XKR6: variants seen among roughly 807,000 people sequenced by gnomAD.
XKR6 encodes the protein XK-related protein 6.
In XKR6, 22 loss-of-function variants were observed where a neutral mutation model predicts 56.7. That is an observed-to-expected ratio of 0.39 (90% CI 0.28 to 0.55). XKR6 has a LOEUF of 0.55. XKR6 is among the 20% of genes least tolerant of loss of function. The pLI, the probability that XKR6 is intolerant of heterozygous loss-of-function variation, is 0.66. For synonymous variants in XKR6, 524 were observed against 387.8 expected, an observed-to-expected ratio of 1.35 and a Z score of -4.13; for missense variants, 852 against 889.0, an observed-to-expected ratio of 0.96 and a Z score of 0.53.
chr8:11,139,624 G>A (rs888587136), intron 1 of XKR6, among the ~76,000 whole-genome samples: 6 of 152,170 alleles, frequency 3.9e-5, no homozygotes, highest in Non-Finnish European at 7.4e-5. Flanking sequence ...TGAGGAGAAA[G>A]TGCTGGGACT....
intron 2 of XKR6, among the ~76,000 whole-genome samples, chr8:10,900,961 C>A (rs1297920395): frequency 6.8e-6 from 1 of 147,986 alleles, no homozygotes; most frequent in African/African-American, 2.5e-5. Flanking sequence ...CTCAAGTGAT[C>A]CTCCCGTCTC....
At chr8:11,052,097 A>T (rs1799564350) in intron 1 of XKR6, among the ~76,000 whole-genome samples, 2 of 151,386 alleles carry the variant, frequency 1.3e-5, no homozygotes, top group Non-Finnish European at 2.9e-5. Flanking sequence ...CCTTCCCCAG[A>T]CCCCTCACCC....
At chr8:11,098,593 G>C (rs1798349112) in intron 1 of XKR6, among the ~76,000 whole-genome samples, 1 of 152,072 alleles carries the variant, frequency 6.6e-6, no homozygotes, top group South Asian at 2.1e-4. Flanking sequence ...ATGACTATGT[G>C]GTCATGCATG....
rs949692983 is a variant in XKR6 at position 10,997,210 on chromosome 8, C to T, written c.765-72380G>A. 2.0e-5 allele frequency among the ~76,000 whole-genome samples: 3 copies of T among 152,148 alleles called. 1 individual carries two copies. The highest frequency in any genetic ancestry group is 6.5e-5 in the Admixed American group (1 of 15,274). ...CACCTAGCAAAGACACACAGAGCAC[C>T]AAGTTCATGCCAGCCACCATGCTCA... On this transcript the variant is annotated intron_variant, in intron 1 of 2. Coordinates refer to ENST00000416569, the MANE Select transcript of XKR6 (RefSeq NM_173683.4).
intron 2 of XKR6, among the ~76,000 whole-genome samples, chr8:10,902,795 T>C (rs1414192840): frequency 6.6e-6 from 1 of 152,212 alleles, no homozygotes; most frequent in Non-Finnish European, 1.5e-5. Flanking sequence ...GCCCCTGATG[T>C]GCCTGCCCCT....
rs1800768334 is a variant in XKR6 at position 10,923,050 on chromosome 8, G to A, written c.961+1584C>T. 2.0e-5 allele frequency among the ~76,000 whole-genome samples: 3 copies of A among 152,224 alleles called. No homozygotes were observed. The South Asian group carries it at 6.2e-4, about 32-fold the overall frequency. On this transcript the variant is annotated intron_variant, in intron 2 of 2. Coordinates refer to ENST00000416569, the MANE Select transcript of XKR6 (RefSeq NM_173683.4). Reference sequence around the variant, plus strand: ...GACAGTGAGGACTGCAGATGCCCAAGGGCAGATGTTGGCTGGTGTCACCCC... The same window carrying A: ...GACAGTGAGGACTGCAGATGCCCAAAGGCAGATGTTGGCTGGTGTCACCCC...
chr8:11,201,237 C>T lies in XKR6; in HGVS notation c.103G>A (p.Gly35Arg), dbSNP rs1169355858. The T allele has an allele frequency of 1.3e-6, 2 of 1,555,702 alleles. No homozygotes were observed. The highest frequency in any genetic ancestry group is 1.7e-6 in the Non-Finnish European group (2 of 1,159,990). The change falls in exon 1 of 3, where the codon GGG becomes AGG. Residue 35 changes from glycine (G) to arginine (R), a missense_variant. Coordinates refer to ENST00000416569, the MANE Select transcript of XKR6 (RefSeq NM_173683.4). The stretch of plus-strand genomic sequence containing the variant: ...CCGCCGCCGCCGCAGCCGCCTCCCC[C>T]GGGCTCCCCGTCCTCCTCGCCGCCG... ...GSGGEEDGEP[G>R]GGGCGGGGDG...
chr8:10,987,702 C>T (rs939509981), intron 1 of XKR6, among the ~76,000 whole-genome samples: 1 of 152,212 alleles, frequency 6.6e-6, no homozygotes, highest in Non-Finnish European at 1.5e-5. Flanking sequence ...CCCACTTCAC[C>T]TAGATTAAGA....
chr8:10,972,008 T>C (rs1462414645), intron 1 of XKR6, among the ~76,000 whole-genome samples: 4 of 152,246 alleles, frequency 2.6e-5, no homozygotes, highest in African/African-American at 7.2e-5. Flanking sequence ...TCAATCCCAC[T>C]GGACCCTAGC....
chr8:10,967,337 T>G (rs1282704645), intron 1 of XKR6, among the ~76,000 whole-genome samples: 1 of 152,224 alleles, frequency 6.6e-6, no homozygotes, highest in African/African-American at 2.4e-5. Flanking sequence ...GATAAGCTGC[T>G]GTGGGAAACT....
intron 1 of XKR6, among the ~76,000 whole-genome samples, chr8:11,191,551 G>A (rs563683524): frequency 2.0e-5 from 3 of 152,094 alleles, no homozygotes; most frequent in African/African-American, 7.2e-5. Flanking sequence ...ACAAAAATTT[G>A]TGCCTGAATG....
intron 1 of XKR6, among the ~76,000 whole-genome samples, chr8:11,173,366 T>TACACACACAC (rs528628983): frequency 6.9e-6 from 1 of 143,958 alleles, no homozygotes; most frequent in Non-Finnish European, 1.5e-5. Flanking sequence ...TATATATATA[T>TACACACACAC]ACACACACAC....
intron 1 of XKR6, among the ~76,000 whole-genome samples, chr8:10,943,151 C>G (rs748770500): frequency 6.6e-6 from 1 of 152,226 alleles, no homozygotes; most frequent in African/African-American, 2.4e-5. Context: ...AGCTCAGGAG[C>G]AGGCTGCAGG....
At chr8:10,975,394 G>T (rs1230932610) in intron 1 of XKR6, among the ~76,000 whole-genome samples, 1 of 152,202 alleles carries the variant, frequency 6.6e-6, no homozygotes, top group Non-Finnish European at 1.5e-5. Flanking sequence ...GCGCCTAAAG[G>T]CAGGTGCAGG....
chr8:10,996,049 A>C (rs926468014), intron 1 of XKR6, among the ~76,000 whole-genome samples: 2 of 152,202 alleles, frequency 1.3e-5, no homozygotes, highest in African/African-American at 2.4e-5. Context: ...AAGGATCTGG[A>C]ATTCTACACT....
chr8:11,097,471 T>G (rs1014516135), intron 1 of XKR6, among the ~76,000 whole-genome samples: 2 of 123,182 alleles, frequency 1.6e-5, no homozygotes, highest in Admixed American at 1.5e-4. Flanking sequence ...GGCAATATTT[T>G]CTTTTTTTTT....
At chr8:11,086,514 G>GAACACACTA (rs1797897552) in intron 1 of XKR6, among the ~76,000 whole-genome samples, 1 of 152,122 alleles carries the variant, frequency 6.6e-6, no homozygotes, top group South Asian at 2.1e-4. Context: ...CTAACGGGAG[G>GAACACACTA]AACACACTAC....
intron 1 of XKR6, among the ~76,000 whole-genome samples, chr8:11,001,236 T>G (rs754849747): frequency 1.4e-4 from 21 of 152,168 alleles, no homozygotes; most frequent in African/African-American, 5.1e-4. Flanking sequence ...AAACAGAGGC[T>G]CAGAAAGCTA....
intron 2 of XKR6, among the ~76,000 whole-genome samples, chr8:10,922,776 C>G (rs1800760031): frequency 6.6e-6 from 1 of 152,184 alleles, no homozygotes; most frequent in South Asian, 2.1e-4. Context: ...AAGCTCTTCT[C>G]AGTGCCCAGG....
Sources: gnomAD v4.1 joint callset for allele counts (sites outside exome capture counted in the v4.1 genomes callset) on GRCh38, gnomAD v4.1.1 for gene constraint, MANE v1.5 for transcripts, NCBI Gene and HGNC (gene_info 2026-07-23, HGNC 2026-07-21) for gene names.